The following TLE4 variants were observed in gnomAD, a reference collection of about 807,000 sequenced individuals.
TLE4 encodes the protein transducin-like enhancer protein 4.
A neutral mutation model predicts 92.8 loss-of-function variants in TLE4; 8 were observed. The ratio of observed to expected loss-of-function variants is 0.09; its 90% CI spans 0.05 to 0.16. The LOEUF (loss-of-function observed/expected upper bound fraction) is 0.16. Among genes scored for constraint, TLE4 ranks in the 10% least tolerant of loss-of-function variants. The pLI is 1.00. For synonymous variants in TLE4, 371 were observed against 374.1 expected, an observed-to-expected ratio of 0.99 and a Z score of 0.10; for missense variants, 675 against 997.6, an observed-to-expected ratio of 0.68 and a Z score of 4.36.
chr9:79,689,885 T>C (rs778106271), intron 8 of TLE4, among the ~76,000 whole-genome samples: 1 of 152,214 alleles, frequency 6.6e-6, no homozygotes, highest in Non-Finnish European at 1.5e-5. Flanking sequence ...TAAGATTGCC[T>C]GTATCCAGGC....
At chr9:79,627,688 GCT>G in intron 6 of TLE4, 1 of 472,450 alleles carries the variant, frequency 2.1e-6, no homozygotes, top group Non-Finnish European at 3.8e-6. Context: ...AGACTGGATA[GCT>G]CTTTTTCATA....
At chr9:79,712,758 A>T (rs77047056) in intron 14 of TLE4, among the ~76,000 whole-genome samples, 1 of 152,272 alleles carries the variant, frequency 6.6e-6, no homozygotes, top group African/African-American at 2.4e-5. Context: ...TAATTTCAAC[A>T]TAAGCCAAAA....
intron 6 of TLE4, chr9:79,649,637 C>A: frequency 3.2e-6 from 1 of 308,800 alleles, no homozygotes; most frequent in Non-Finnish European, 6.1e-6. Flanking sequence ...AAGGACCCTT[C>A]TCTAAGATTA....
In TLE4 at chr9:79,722,431, A is replaced by G; in HGVS notation, c.1987-20A>G. Reference sequence around the variant, plus strand: ...CGTGTCCACTGTGGCCACTGTCACCATCACCTGTTTTAATTCTAGATCTTT... The same window carrying G: ...CGTGTCCACTGTGGCCACTGTCACCGTCACCTGTTTTAATTCTAGATCTTT... On this transcript the variant is annotated intron_variant, in intron 17 of 19. Coordinates refer to ENST00000376552, the MANE Select transcript of TLE4 (RefSeq NM_007005.6). 1 of 1,613,618 alleles carries G rather than the reference A, an allele frequency of 6.2e-7. No individual in the cohort carries two copies. The highest frequency in any genetic ancestry group is 8.5e-7 in the Non-Finnish European group (1 of 1,179,662).
At chr9:79,687,782 A>G (rs942277531) in intron 8 of TLE4, among the ~76,000 whole-genome samples, 14 of 152,218 alleles carry the variant, frequency 9.2e-5, no homozygotes, top group African/African-American at 3.4e-4. Context: ...CCTGTCTTCA[A>G]CTATCAGCCC....
chr9:79,611,936 T>TAAAAAAA lies in TLE4; in HGVS notation c.253-703_253-697dup, dbSNP rs34106000. ...TGTTGGGACTTTTGCATATCCACAG[T>TAAAAAAA]AAAAAAAAAAAAAAAAAAAAAAAGT... On this transcript the variant is annotated intron_variant, in intron 4 of 19. Coordinates refer to ENST00000376552, the MANE Select transcript of TLE4 (RefSeq NM_007005.6). Among the ~76,000 whole-genome samples the TAAAAAAA allele has an allele frequency of 8.9e-5, 7 of 78,416 alleles. No homozygotes were observed. In the East Asian group the frequency reaches 1.9e-3, roughly 21 times the overall value. 51.4% of individuals were successfully genotyped at this position (78,416 alleles called of 152,430 possible).
intron 6 of TLE4, among the ~76,000 whole-genome samples, chr9:79,642,482 A>G (rs866341355): frequency 1.3e-5 from 2 of 151,974 alleles, no homozygotes; most frequent in Admixed American, 6.6e-5. Context: ...TTCTGAGTAC[A>G]TTCCCTTAGC....
At position 79,576,092 on chromosome 9, in the gene TLE4, G is replaced by A. The variant is rs143629587; in HGVS notation, c.208-41G>A. 151 of 1,397,828 alleles carry A rather than the reference G, an allele frequency of 1.1e-4. No individual in the cohort carries two copies. In the African/African-American group the frequency reaches 1.8e-3, roughly 17 times the overall value. The allele number at this position is 1,397,828 out of a possible 1,614,324, so 86.6% of individuals were successfully genotyped here. ...TTTGAACAAACTAGGGAGATTGTTT[G>A]ATGAAAGTCATGCATTTAATTGCTT... On this transcript the variant is annotated intron_variant, in intron 3 of 19. Coordinates refer to ENST00000376552, the MANE Select transcript of TLE4 (RefSeq NM_007005.6).
At chr9:79,603,827 G>A (rs577982345) in intron 4 of TLE4, among the ~76,000 whole-genome samples, 4 of 152,204 alleles carry the variant, frequency 2.6e-5, no homozygotes, top group African/African-American at 9.6e-5. Flanking sequence ...ACCAGCCACT[G>A]GGGCTATAAG....
At chr9:79,686,288 G>A (rs2135416778) in intron 8 of TLE4, among the ~76,000 whole-genome samples, 1 of 152,242 alleles carries the variant, frequency 6.6e-6, no homozygotes, top group South Asian at 2.1e-4. Flanking sequence ...TATTATTTAG[G>A]CATATTAATC....
chr9:79,607,722 T>C (rs2132890997), intron 4 of TLE4, among the ~76,000 whole-genome samples: 1 of 152,230 alleles, frequency 6.6e-6, no homozygotes, highest in East Asian at 1.9e-4. Flanking sequence ...CTCTGTGCTG[T>C]TCCATTGGTC....
chr9:79,700,050 A>G (rs998151188), intron 8 of TLE4, among the ~76,000 whole-genome samples: 2 of 152,234 alleles, frequency 1.3e-5, no homozygotes, highest in Non-Finnish European at 2.9e-5. Context: ...ACTGGAGTCC[A>G]GTATACAGTG....
intron 6 of TLE4, among the ~76,000 whole-genome samples, chr9:79,631,935 A>T (rs1220018875): frequency 6.6e-6 from 1 of 152,194 alleles, no homozygotes; most frequent in Non-Finnish European, 1.5e-5. Flanking sequence ...CCCTGTGGAT[A>T]CATGGCCTCC....
chr9:79,612,730 G>C lies in TLE4; in HGVS notation c.315+12G>C. 1 of 1,612,550 alleles carries C rather than the reference G, an allele frequency of 6.2e-7. No individual in the cohort carries two copies. Among genetic ancestry groups the C allele is most frequent in the Middle Eastern group, 1.7e-4 (1 of 6,052 alleles). On this transcript the variant is annotated intron_variant, in intron 5 of 19. Transcript: ENST00000376552. ...TCCTGTCCCAAGAGGTAAGGTAGTT[G>C]ATTTTAGGCACTGGACTAGAAGTTG...
At position 79,644,655 on chromosome 9, in the gene TLE4, A is replaced by G. The variant is rs530650987; in HGVS notation, c.391-7938A>G. Among the ~76,000 whole-genome samples the G allele has an allele frequency of 3.3e-5, 5 of 152,348 alleles. No homozygotes were observed. In the South Asian group the frequency reaches 1.0e-3, roughly 32 times the overall value. On this transcript the variant is annotated intron_variant, in intron 6 of 19. Transcript: ENST00000376552. ...AGACAGGAGCGAGGCCAGCAGAACA[A>G]CTGTCCATAGTAAATAGTGTCTTCA... is the stretch of plus-strand genomic sequence containing the variant.
At chr9:79,663,055 T>TG (rs978435262) in intron 8 of TLE4, among the ~76,000 whole-genome samples, 13 of 67,096 alleles carry the variant, frequency 1.9e-4, no homozygotes, top group African/African-American at 7.0e-4. Context: ...TGGGTGGGGG[T>TG]GGGGGTGGGG....
At position 79,627,435 on chromosome 9, in the gene TLE4, A is replaced by G. The variant is rs886206535; in HGVS notation, c.377A>G (p.Asn126Ser). 3 of 1,614,216 alleles carry G rather than the reference A, an allele frequency of 1.9e-6. No individual in the cohort carries two copies. Among genetic ancestry groups the G allele is most frequent in the East Asian group, 4.5e-5 (2 of 44,886 alleles). The change falls in exon 6 of 20, where the codon AAC becomes AGC. Residue 126 changes from asparagine (N) to serine (S), a missense_variant. Coordinates refer to ENST00000376552, the MANE Select transcript of TLE4 (RefSeq NM_007005.6). ...AAGCAGGTGACCATGGCAGAACTGAACGCCATCATTGGGGTACGTGGCCTT... is the reference window on the plus strand; with the variant it reads ...AAGCAGGTGACCATGGCAGAACTGAGCGCCATCATTGGGGTACGTGGCCTT... ...RAKQVTMAEL[N>S]AIIGQQLQAQ...
At chr9:79,724,037 A>C (rs75644109) in intron 19 of TLE4, among the ~76,000 whole-genome samples, 6,602 of 152,290 alleles carry the variant, frequency 0.043, 195 homozygotes, top group Middle Eastern at 0.085. Context: ...TGAATCCTTC[A>C]TACTACAGTT....
chr9:79,682,459 T>A (rs988221398), intron 8 of TLE4, among the ~76,000 whole-genome samples: 6 of 152,110 alleles, frequency 3.9e-5, no homozygotes, highest in Admixed American at 1.3e-4. Flanking sequence ...TTACCTTATC[T>A]CTAACTCTCA....
Sources: allele counts gnomAD v4.1 joint callset (sites outside exome capture counted in the v4.1 genomes callset), GRCh38; gene constraint gnomAD v4.1.1; transcripts MANE v1.5; gene names NCBI Gene and HGNC (gene_info 2026-07-23, HGNC 2026-07-21).